Variants in C1QTNF3 observed in about 807,000 individuals in gnomAD.
C1QTNF3 encodes complement C1q tumor necrosis factor-related protein 3.
Under a neutral mutation model 32.6 loss-of-function variants are expected in C1QTNF3, and 26 were observed. That is an observed-to-expected ratio of 0.80 (90% confidence interval 0.58 to 1.11). The LOEUF (loss-of-function observed/expected upper bound fraction) is 1.11. C1QTNF3 is among the 50% of genes least tolerant of loss of function. The pLI is 0.00. For synonymous variants in C1QTNF3, 155 were observed against 146.0 expected (o/e 1.06, Z -0.44); for missense variants, 362 against 398.2 (o/e 0.91, Z 0.77).
chr5:34,160,905 T>TG, the C1QTNF3 span, among the ~76,000 whole-genome samples: 1 of 151,998 alleles, frequency 6.6e-6, no homozygotes, highest in Non-Finnish European at 1.5e-5. Context: ...CCTTTTATAT[T>TG]GGGAAAAAAA....
chr5:34,207,460 T>C, the C1QTNF3 span, among the ~76,000 whole-genome samples: 4 of 152,168 alleles, frequency 2.6e-5, no homozygotes, highest in Non-Finnish European at 4.4e-5. Context: ...CTATTTAAAT[T>C]TTGTGGTTGT....
At chr5:34,156,515 G>A in the C1QTNF3 span, among the ~76,000 whole-genome samples, 1 of 152,190 alleles carries the variant, frequency 6.6e-6, no homozygotes, top group Admixed American at 6.5e-5. Context: ...AATACTATGT[G>A]GTTAACTAAT....
the C1QTNF3 span, among the ~76,000 whole-genome samples, chr5:34,171,868 ATTAT>A: frequency 6.6e-6 from 1 of 152,176 alleles, no homozygotes; most frequent in African/African-American, 2.4e-5. Context: ...CCAGAAGTAT[ATTAT>A]TTTTCCTTTC....
At chr5:34,145,960 T>A in the C1QTNF3 span, among the ~76,000 whole-genome samples, 1 of 152,084 alleles carries the variant, frequency 6.6e-6, no homozygotes, top group Non-Finnish European at 1.5e-5. Flanking sequence ...CCAACAGCCC[T>A]CCATGATAAA....
the C1QTNF3 span, chr5:34,219,876 C>G: frequency 1.3e-5 from 2 of 152,070 alleles, no homozygotes; most frequent in Non-Finnish European, 2.9e-5. Flanking sequence ...AGGGGCTATA[C>G]TAATAAACAA....
the C1QTNF3 span, chr5:34,175,732 T>C: frequency 1.5e-6 from 1 of 647,898 alleles, no homozygotes; most frequent in South Asian, 1.8e-5. Context: ...TTGTTTCCAA[T>C]ATTCTTACAG....
chr5:34,164,102 A>G, the C1QTNF3 span, among the ~76,000 whole-genome samples: 1 of 152,180 alleles, frequency 6.6e-6, no homozygotes, highest in African/African-American at 2.4e-5. Context: ...AGCCTATTCA[A>G]TTAAAAAGAC....
chr5:34,209,741 C>A, the C1QTNF3 span, among the ~76,000 whole-genome samples: 5 of 151,998 alleles, frequency 3.3e-5, no homozygotes, highest in Non-Finnish European at 7.4e-5. Flanking sequence ...TATAGTTTTA[C>A]AGACAGCCAT....
At chr5:34,162,933 GAAGA>G in the C1QTNF3 span, among the ~76,000 whole-genome samples, 14 of 152,202 alleles carry the variant, frequency 9.2e-5, no homozygotes, top group African/African-American at 2.9e-4. Flanking sequence ...ATGCTACAGA[GAAGA>G]GAGAACAAGA....
In C1QTNF3 at chr5:34,019,379, C is replaced by T. The variant is rs566527099; in HGVS notation, c.*1204G>A. 3 of 152,308 alleles carry T rather than the reference C, an allele frequency of 2.0e-5. No homozygotes were observed. Among genetic ancestry groups the T allele is most frequent in the Admixed American group, 2.0e-4 (3 of 15,300 alleles). 9.4% of individuals were successfully genotyped at this position (152,308 alleles called of 1,614,324 possible). On this transcript the variant is annotated 3_prime_UTR_variant, in exon 6 of 6. Transcript: ENST00000382065. ...TTGCCTACAACCAAACCTTGTGTGT[C>T]ACTAAGGTGAAAACTTAGAATTTAA...
intron 3 of C1QTNF3, among the ~76,000 whole-genome samples, chr5:34,032,730 A>G (rs1754645872): frequency 6.6e-6 from 1 of 152,186 alleles, no homozygotes; most frequent in Non-Finnish European, 1.5e-5. Context: ...CACGAGGAAG[A>G]GGTTGCAGTG....
the C1QTNF3 span, among the ~76,000 whole-genome samples, chr5:34,197,577 T>C: frequency 2.8e-4 from 43 of 152,224 alleles, no homozygotes; most frequent in Admixed American, 7.2e-4. Flanking sequence ...ATAACAAATA[T>C]GTATGACACA....
the C1QTNF3 span, among the ~76,000 whole-genome samples, chr5:34,162,627 A>C: frequency 2.0e-5 from 3 of 152,170 alleles, no homozygotes; most frequent in African/African-American, 7.2e-5. Flanking sequence ...AGTTCTCTTT[A>C]TGTATCAGTG....
intron 1 of C1QTNF3, 22 bp from the exon 2 acceptor site, chr5:34,035,780 C>A: frequency 6.3e-7 from 1 of 1,582,232 alleles, no homozygotes; most frequent in Non-Finnish European, 8.6e-7. Context: ...GAAAGAGAAG[C>A]TTCAGAAAAA....
chr5:34,040,572 A>G (rs1754845096), intron 1 of C1QTNF3, among the ~76,000 whole-genome samples: 1 of 152,156 alleles, frequency 6.6e-6, no homozygotes, highest in Non-Finnish European at 1.5e-5. Flanking sequence ...GTACTCCACC[A>G]TGAACCCACA....
At chr5:34,210,822 A>G in the C1QTNF3 span, among the ~76,000 whole-genome samples, 4 of 152,080 alleles carry the variant, frequency 2.6e-5, no homozygotes, top group Non-Finnish European at 4.4e-5. Flanking sequence ...ATTTTTAATT[A>G]TATAATTTTC....
At chr5:34,051,377 T>C in the C1QTNF3 span, among the ~76,000 whole-genome samples, 1 of 152,238 alleles carries the variant, frequency 6.6e-6, no homozygotes, top group Admixed American at 6.5e-5. Context: ...ATATCTGTCT[T>C]ATTTTTTCAA....
chr5:34,213,692 G>GTATATATATATA, the C1QTNF3 span, among the ~76,000 whole-genome samples: 14,100 of 100,170 alleles, frequency 0.14, 2,083 homozygotes, highest in African/African-American at 0.43. Flanking sequence ...TGTTGTGTGT[G>GTATATATATATA]TGTATATATA....
chr5:34,197,519 T>C, the C1QTNF3 span, among the ~76,000 whole-genome samples: 7 of 152,220 alleles, frequency 4.6e-5, no homozygotes, highest in African/African-American at 1.7e-4. Context: ...TTACCTATGA[T>C]CATGTATTTT....
Sources: gnomAD v4.1 joint callset for allele counts (sites outside exome capture counted in the v4.1 genomes callset) on GRCh38, gnomAD v4.1.1 for gene constraint, MANE v1.5 for transcripts, NCBI Gene and HGNC (gene_info 2026-07-23, HGNC 2026-07-21) for gene names.